Variants in DIDO1 observed in about 807,000 individuals in gnomAD.
The protein encoded by DIDO1 is death inducer-obliterator 1.
Under a neutral mutation model 99.4 loss-of-function variants are expected in DIDO1, and 16 were observed. The observed-to-expected ratio is 0.16, with a 90% CI of 0.11 to 0.24. The LOEUF (loss-of-function observed/expected upper bound fraction) is 0.24, where lower values mean the gene tolerates loss of function less well. Among genes scored for constraint, DIDO1 ranks in the 10% least tolerant of loss-of-function variants. The pLI, the probability that DIDO1 is intolerant of heterozygous loss-of-function variation, is 1.00. For synonymous variants in DIDO1, 1,366 were observed against 1,239.1 expected (o/e 1.10, Z -2.15); for missense variants, 2,996 against 3,014.0 (o/e 0.99, Z 0.14).
intron 15 of DIDO1, among the ~76,000 whole-genome samples, 176 bp from the exon 16 acceptor site, chr20:62,882,590 A>AGGAACGCACCGCCCAG (rs1555837503): frequency 6.6e-6 from 1 of 150,790 alleles, no homozygotes; most frequent in South Asian, 2.1e-4. Context: ...ATTCCGCCCC[A>AGGAACGCACCGCCCAG]GGAACGCACC....
At chr20:62,901,506 A>C (rs1047313959) in intron 6 of DIDO1, among the ~76,000 whole-genome samples, 13 of 152,004 alleles carry the variant, frequency 8.6e-5, no homozygotes, top group Non-Finnish European at 7.4e-5. Context: ...CCTTTATCTA[A>C]GTTGTTTACT....
In DIDO1 at chr20:62,894,617, C is replaced by T. The variant is rs1463148545; in HGVS notation, c.2437-69G>A. 14 of 1,565,976 alleles carry T rather than the reference C, an allele frequency of 8.9e-6. 1 individual carries two copies. The East Asian group carries it at 2.7e-4, about 30-fold the overall frequency. On this transcript the variant is annotated intron_variant, in intron 10 of 15. Coordinates refer to ENST00000395343, the MANE Select transcript of DIDO1 (RefSeq NM_001193369.2). This position sits in a 1 kb window ranked among gnomAD's most constrained non-coding sequence, Gnocchi z 4.4. ...AACTCAGCTCCAAATTAACCACACA[C>T]AAGAAAAGCAGTCTCATGGGATTGA...
chr20:62,882,921 T>G (rs1372618860), intron 15 of DIDO1, among the ~76,000 whole-genome samples: 31 of 139,004 alleles, frequency 2.2e-4, no homozygotes, highest in African/African-American at 8.2e-4. Context: ...CAGCCTTTTT[T>G]TTTTTTTTTT....
chr20:62,898,846 G>A (rs895120092), intron 6 of DIDO1, among the ~76,000 whole-genome samples: 14 of 152,328 alleles, frequency 9.2e-5, no homozygotes, highest in African/African-American at 3.4e-4. Flanking sequence ...CATGTACTAT[G>A]TCATCAGATC....
In DIDO1 at chr20:62,905,143, T is replaced by C. The variant is rs1428465466; in HGVS notation, c.1588+744A>G. The C allele has an allele frequency of 4.9e-6, 5 of 1,022,828 alleles. No individual in the cohort carries two copies. In the African/African-American group the frequency reaches 8.5e-5, roughly 17 times the overall value. The allele number at this position is 1,022,828 out of a possible 1,614,324, so 63.4% of individuals were successfully genotyped here. On this transcript the variant is annotated intron_variant, in intron 6 of 15. Coordinates refer to ENST00000395343, the MANE Select transcript of DIDO1 (RefSeq NM_001193369.2). ...TGAAATTTGGGGCAGGATATGATCTTAAGAGTCTAAACATTCAAGAGACGA... is the reference window on the plus strand; with the variant it reads ...TGAAATTTGGGGCAGGATATGATCTCAAGAGTCTAAACATTCAAGAGACGA...
intron 15 of DIDO1, chr20:62,888,584 A>AG (rs1345034695): frequency 2.9e-5 from 29 of 985,562 alleles, no homozygotes; most frequent in Non-Finnish European, 3.5e-5. Flanking sequence ...GTGCTGTCCA[A>AG]GGGCTTCTGG....
intron 4 of DIDO1, 146 bp from the exon 5 acceptor site, chr20:62,907,505 T>A: frequency 1.2e-6 from 1 of 814,714 alleles, no homozygotes; most frequent in Non-Finnish European, 1.9e-6. Context: ...AATAAACATT[T>A]TGTTGATTCA....
chr20:62,894,349 G>C lies in DIDO1; in HGVS notation c.2572+64C>G. The C allele has an allele frequency of 6.3e-7, 1 of 1,592,848 alleles. No homozygotes were observed. The highest frequency in any genetic ancestry group is 8.5e-7 in the Non-Finnish European group (1 of 1,170,730). ...CGTGCGGTTGCTTTTAGGAGGTTCA[G>C]TGATTTTTAACAAAATCAAGTTTAG... On this transcript the variant is annotated intron_variant, in intron 11 of 15. Transcript: ENST00000395343. This position sits in a 1 kb window ranked among gnomAD's most constrained non-coding sequence, Gnocchi z 4.4.
chr20:62,922,033 CGATA>C (rs2065152301), intron 1 of DIDO1, among the ~76,000 whole-genome samples: 1 of 141,382 alleles, frequency 7.1e-6, no homozygotes, highest in Non-Finnish European at 1.5e-5. Context: ...TATATCCACA[CGATA>C]TATATACACA....
rs1244470153 is a variant in DIDO1, at chr20:62,910,105, T to C, written c.840-85A>G. On this transcript the variant is annotated intron_variant, in intron 3 of 15. Transcript: ENST00000395343. The stretch of plus-strand genomic sequence containing the variant: ...CATTAATAAGACAATTGGTTTTAAC[T>C]TCATGAAAAAATGCAAATATACAGA... The C allele has an allele frequency of 3.6e-5, 51 of 1,405,670 alleles. No homozygotes were observed. In the East Asian group the frequency reaches 8.9e-4, roughly 25 times the overall value. The allele number at this position is 1,405,670 out of a possible 1,614,324, so 87.1% of individuals were successfully genotyped here.
chr20:62,906,106 T>G lies in DIDO1; in HGVS notation c.1375-6A>C, dbSNP rs200627833. On this transcript the variant is annotated splice_polypyrimidine_tract_variant and splice_region_variant and intron_variant, in intron 5 of 15. Coordinates refer to ENST00000395343, the MANE Select transcript of DIDO1 (RefSeq NM_001193369.2). ...GAAGAGATTTTAATACCTGCCTGGA[T>G]AATCAGTAAAACCCCAAATCATTAA... The G allele has an allele frequency of 8.1e-6, 13 of 1,603,668 alleles. No homozygotes were observed. The East Asian group carries it at 2.5e-4, about 30-fold the overall frequency.
Position 62,896,593 on chromosome 20 carries a change from C to T in DIDO1, c.1992G>A (p.Ser664=), listed in dbSNP as rs749479285. The change falls in exon 7 of 16, where the codon TCG becomes TCA. Residue 664 remains serine, a synonymous_variant. Transcript: ENST00000395343. This position sits in a 1 kb window ranked among gnomAD's most constrained non-coding sequence, Gnocchi z 4.4. ...TTTGCCGAATTTGTGAATTTGGCTG[C>T]GATGGTGCAGCACTCATAGCCCCAA... ...GRLGAMSAAP[S]QPNSQIRQNI... 14 of 1,599,780 alleles carry T rather than the reference C, an allele frequency of 8.8e-6. No homozygotes were observed. Among genetic ancestry groups the T allele is most frequent in the Admixed American group, 5.3e-5 (3 of 56,602 alleles).
rs141592648 is a variant in DIDO1 at position 62,890,258 on chromosome 20, A to G, written c.3541+702T>C. On this transcript the variant is annotated intron_variant, in intron 15 of 15. Transcript: ENST00000395343. ...GAGACACTTCAGTTGGGCATCAGATACTAACCCCTAACTGAAGTCACATCA... is the reference window on the plus strand; with the variant it reads ...GAGACACTTCAGTTGGGCATCAGATGCTAACCCCTAACTGAAGTCACATCA... 3.2e-5 allele frequency: 32 copies of G among 986,034 alleles called. No individual in the cohort carries two copies. In the East Asian group the frequency reaches 3.6e-3, roughly 112 times the overall value. 61.1% of individuals were successfully genotyped at this position (986,034 alleles called of 1,614,324 possible). A position where few individuals can be genotyped will look rare whatever the true frequency, so the allele number is the denominator to read the frequency against.
At position 62,881,787 on chromosome 20, in the gene DIDO1, T is replaced by C. The variant is rs755315237; in HGVS notation, c.4169A>G (p.Glu1390Gly). ...EDDRPYDPEE[E>G]YDPERAFDTQ... ...GTCGAAGGCCCTCTCCGGGTCGTACTCCTCCTCAGGGTCGTATGGCCTGTC... is the reference window on the plus strand; with the variant it reads ...GTCGAAGGCCCTCTCCGGGTCGTACCCCTCCTCAGGGTCGTATGGCCTGTC... The change falls in exon 16 of 16, where the codon GAG (glutamate) becomes GGG (glycine). Residue 1390 changes from glutamate to glycine, a missense_variant. By Grantham distance (98) the Glu-to-Gly change is moderately conservative. Transcript: ENST00000395343. The surrounding 1 kb of genome is among the most constrained non-coding windows in gnomAD (Gnocchi z 8.3). 1 of 1,613,406 alleles carries C rather than the reference T, an allele frequency of 6.2e-7. No homozygotes were observed. Among genetic ancestry groups the C allele is most frequent in the South Asian group, 1.1e-5 (1 of 91,080 alleles).
chr20:62,879,179 T>C lies in DIDO1; in HGVS notation c.*54A>G. On this transcript the variant is annotated 3_prime_UTR_variant, in exon 16 of 16. Coordinates refer to ENST00000395343, the MANE Select transcript of DIDO1 (RefSeq NM_001193369.2). This position sits in a 1 kb window ranked among gnomAD's most constrained non-coding sequence, Gnocchi z 6.3. ...CGTGGCTATTTCAAAAGCTATTTGTTCAACGCATCTTACGAACGTGGCTTT... is the reference window on the plus strand; with the variant it reads ...CGTGGCTATTTCAAAAGCTATTTGTCCAACGCATCTTACGAACGTGGCTTT... 1 of 1,408,518 alleles carries C rather than the reference T, an allele frequency of 7.1e-7. No individual in the cohort carries two copies. The allele number at this position is 1,408,518 out of a possible 1,614,324, so 87.3% of individuals were successfully genotyped here. A position where few individuals can be genotyped will look rare whatever the true frequency, so the allele number is the denominator to read the frequency against.
At chr20:62,891,879 C>T (rs138527208) in intron 14 of DIDO1, 108 bp downstream of exon 14, 25 of 884,838 alleles carry the variant, frequency 2.8e-5, no homozygotes, top group Non-Finnish European at 3.6e-5. Context: ...TAGTAAGCTA[C>T]AGGCTAACAT....
rs989930053 is a variant in DIDO1, at chr20:62,904,075, G to A, written c.1588+1812C>T. Reference sequence around the variant, plus strand: ...GAGTCTCTGGCAGCTTTTCAATTTTGGTTGACACAGATGGAAATTAACCAA... The same window carrying A: ...GAGTCTCTGGCAGCTTTTCAATTTTAGTTGACACAGATGGAAATTAACCAA... On this transcript the variant is annotated intron_variant, in intron 6 of 15. Transcript: ENST00000395343. 2.0e-5 allele frequency among the ~76,000 whole-genome samples: 3 copies of A among 152,132 alleles called. No homozygotes were observed. In the East Asian group the frequency reaches 5.8e-4, roughly 29 times the overall value.
At chr20:62,918,326 A>G (rs2065074672) in intron 1 of DIDO1, among the ~76,000 whole-genome samples, 1 of 152,240 alleles carries the variant, frequency 6.6e-6, no homozygotes. Context: ...GTTGTGGTAC[A>G]GCTGCATGAT....
In DIDO1 at chr20:62,914,201, A is replaced by G. The variant is rs1010895512; in HGVS notation, c.-3+9T>C. ...AATTTTGTTGCTACTAACAGTGTTG[A>G]TACCTTACCTGCTCCAACACTGAAA... is the stretch of plus-strand genomic sequence containing the variant. On this transcript the variant is annotated intron_variant, in intron 2 of 15. Coordinates refer to ENST00000395343, the MANE Select transcript of DIDO1 (RefSeq NM_001193369.2). The G allele has an allele frequency of 6.6e-6, 1 of 152,214 alleles. No homozygotes were observed. Among genetic ancestry groups the G allele is most frequent in the Non-Finnish European group, 1.5e-5 (1 of 68,044 alleles). The allele number at this position is 152,214 out of a possible 1,614,324, so 9.4% of individuals were successfully genotyped here.
Sources: gnomAD v4.1 joint callset for allele counts (sites outside exome capture counted in the v4.1 genomes callset) on GRCh38, gnomAD v4.1.1 for gene constraint, Gnocchi (gnomAD v3.1) non-coding constraint, MANE v1.5 for transcripts, NCBI Gene and HGNC (gene_info 2026-07-23, HGNC 2026-07-21) for gene names.